The following PDZD2 variants were observed in gnomAD, a reference collection of about 807,000 sequenced individuals.
The protein encoded by PDZD2 is PDZ domain-containing protein 2.
A neutral mutation model predicts 220.7 loss-of-function variants in PDZD2; 90 were observed. The observed-to-expected ratio is 0.41, with a 90% CI of 0.34 to 0.49. The LOEUF is 0.49. PDZD2 is among the 20% of genes least tolerant of loss of function. PDZD2 has a pLI of 0.28. For synonymous variants in PDZD2, 1,375 were observed against 1,450.5 expected (o/e 0.95, Z 1.18); for missense variants, 3,174 against 3,608.5 (o/e 0.88, Z 3.08).
At chr5:31,746,695 G>A (rs1426979981) in intron 1 of PDZD2, among the ~76,000 whole-genome samples, 7 of 152,044 alleles carry the variant, frequency 4.6e-5, no homozygotes, top group African/African-American at 1.5e-4. Context: ...CTCACCCCGA[G>A]TTTCAGAGGC....
rs139560600 is a variant in PDZD2, at chr5:31,860,904, G to A, written c.476+61180G>A. Among the ~76,000 whole-genome samples, 148 of 152,254 alleles carry A rather than the reference G, an allele frequency of 9.7e-4. 2 individuals carry two copies. The East Asian group carries it at 0.021, about 22-fold the overall frequency. On this transcript the variant is annotated intron_variant, in intron 2 of 24. Coordinates refer to ENST00000438447, the MANE Select transcript of PDZD2 (RefSeq NM_178140.4). ...TTGGCCCTCAGTAGCAGCCCATTGC[G>A]TGGTGGTGTGGTCAGGTGGACATGG...
At chr5:31,935,948 C>T (rs1415287274) in intron 2 of PDZD2, 1 of 219,978 alleles carries the variant, frequency 4.5e-6, no homozygotes, top group African/African-American at 2.3e-5. Context: ...TGATTTCCCC[C>T]CATACTCCTG....
In PDZD2 at chr5:32,088,385, G is replaced by C; in HGVS notation, c.4937G>C (p.Arg1646Pro). ...CCGAGAGAGTCGGTGGCCAGTCCCC[G>C]TGAGAAGGCCGCCTGCTTGCCAGGC... ...STPRESVASP[R>P]EKAACLPGSY... The change falls in exon 20 of 25, where the codon CGT becomes CCT. Residue 1646 changes from arginine (R) to proline (P), a missense_variant. Transcript: ENST00000438447. The surrounding 1 kb of genome is among the most constrained non-coding windows in gnomAD (Gnocchi z 4.6). 6.2e-7 allele frequency: 1 copy of C among 1,613,806 alleles called. No individual in the cohort carries two copies. The highest frequency in any genetic ancestry group is 8.5e-7 in the Non-Finnish European group (1 of 1,179,928).
intron 2 of PDZD2, among the ~76,000 whole-genome samples, chr5:31,970,916 C>G (rs891113528): frequency 6.6e-6 from 1 of 152,118 alleles, no homozygotes; most frequent in Admixed American, 6.6e-5. Flanking sequence ...TCTGCTGCTC[C>G]CAAATCCATT....
chr5:32,026,557 GCA>G (rs139271161), intron 6 of PDZD2, among the ~76,000 whole-genome samples: 24 of 150,972 alleles, frequency 1.6e-4, no homozygotes, highest in Non-Finnish European at 2.7e-4. Context: ...GTGCACGCAC[GCA>G]CACACACACA....
rs1561499009 is a variant in PDZD2 at position 31,840,413 on chromosome 5, TA to T, written c.476+40690del. ...CATTTTCATTATATATATATATATA[TA>T]TATATATATATATATATATATATAT... On this transcript the variant is annotated intron_variant, in intron 2 of 24. Coordinates refer to ENST00000438447, the MANE Select transcript of PDZD2 (RefSeq NM_178140.4). The T allele has an allele frequency of 2.5e-3, 211 of 84,268 alleles. 11 individuals are homozygous for T. Among genetic ancestry groups the T allele is most frequent in the African/African-American group, 8.3e-3 (204 of 24,646 alleles). The allele number at this position is 84,268 out of a possible 1,614,324, so 5.2% of individuals were successfully genotyped here. A position where few individuals can be genotyped will look rare whatever the true frequency, so the allele number is the denominator to read the frequency against.
At chr5:31,737,273 C>T (rs1277538013) in intron 1 of PDZD2, among the ~76,000 whole-genome samples, 1 of 149,636 alleles carries the variant, frequency 6.7e-6, no homozygotes, top group African/African-American at 2.5e-5. Context: ...CTCAGGTTCA[C>T]GCCATTCTCC....
At chr5:31,905,437 G>A (rs550317208) in intron 2 of PDZD2, among the ~76,000 whole-genome samples, 7 of 152,294 alleles carry the variant, frequency 4.6e-5, no homozygotes, top group African/African-American at 1.7e-4. Context: ...TGAGGATGCT[G>A]GGGTTGCTTT....
At chr5:31,753,872 A>G (rs1751157394) in intron 1 of PDZD2, among the ~76,000 whole-genome samples, 2 of 152,212 alleles carry the variant, frequency 1.3e-5, no homozygotes, top group South Asian at 2.1e-4. Context: ...CAAAATCTCC[A>G]GGACATCTAG....
intron 2 of PDZD2, among the ~76,000 whole-genome samples, chr5:31,946,148 G>A (rs956682864): frequency 6.6e-6 from 1 of 152,166 alleles, no homozygotes; most frequent in Admixed American, 6.5e-5. Context: ...GACTACAGGC[G>A]TGCGCCACCA....
At chr5:31,750,346 C>A (rs1750878291) in intron 1 of PDZD2, among the ~76,000 whole-genome samples, 1 of 152,182 alleles carries the variant, frequency 6.6e-6, no homozygotes, top group South Asian at 2.1e-4. Flanking sequence ...TCTGTTAGCT[C>A]CTTTGGGCAG....
intron 1 of PDZD2, among the ~76,000 whole-genome samples, chr5:31,793,256 G>A (rs1291945112): frequency 8.5e-6 from 1 of 117,058 alleles, no homozygotes; most frequent in Admixed American, 1.1e-4. Flanking sequence ...GGATTGTGGG[G>A]TGGGGGGTGG....
chr5:31,890,543 C>T (rs1308379901), intron 2 of PDZD2, among the ~76,000 whole-genome samples: 1 of 152,142 alleles, frequency 6.6e-6, no homozygotes, highest in African/African-American at 2.4e-5. Flanking sequence ...GGCCTAGAGC[C>T]AGGGCCCCTT....
chr5:31,773,575 A>G (rs1056551774), intron 1 of PDZD2, among the ~76,000 whole-genome samples: 1 of 152,108 alleles, frequency 6.6e-6, no homozygotes, highest in Non-Finnish European at 1.5e-5. Flanking sequence ...GCTTGAATCC[A>G]AGAGGCAGAG....
intron 2 of PDZD2, among the ~76,000 whole-genome samples, chr5:31,924,748 G>C (rs1211543018): frequency 6.6e-6 from 1 of 152,218 alleles, no homozygotes. Context: ...AATATCTTTA[G>C]GGATTCTTAG....
intron 1 of PDZD2, among the ~76,000 whole-genome samples, chr5:31,694,784 A>ATTTTT (rs372864890): frequency 8.5e-6 from 1 of 117,810 alleles, no homozygotes; most frequent in Non-Finnish European, 1.8e-5. Context: ...ATTTTATTTT[A>ATTTTT]TTTTATTTAT....
In PDZD2 at chr5:32,095,933, C is replaced by T. The variant is rs1345982412; in HGVS notation, c.7846-1346C>T. On this transcript the variant is annotated intron_variant, in intron 21 of 24. Transcript: ENST00000438447. ...TTTTTTTTTTTTTTTTTAGTAGAGA[C>T]GGGGTTTCACCGTGTTAGCCAGGAT... 2.6e-4 allele frequency among the ~76,000 whole-genome samples: 37 copies of T among 140,420 alleles called. No individual in the cohort carries two copies. In the South Asian group the frequency reaches 5.7e-3, roughly 22 times the overall value. The allele number at this position is 140,420 out of a possible 152,430, so 92.1% of individuals were successfully genotyped here.
At chr5:32,055,228 G>A (rs1030903928) in intron 10 of PDZD2, among the ~76,000 whole-genome samples, 1 of 152,104 alleles carries the variant, frequency 6.6e-6, no homozygotes, top group Non-Finnish European at 1.5e-5. Flanking sequence ...AAGAGGCAGG[G>A]TCTTGCTCTG....
rs879498392 is a variant in PDZD2, at chr5:32,083,465, CG to C, written c.3683-3664del. Reference sequence around the variant, plus strand: ...AGAGGCTGCTGGGCCTTCCACCCCACGGATGTGCTGTAACGAGTCAACCTTC... The same window carrying C: ...AGAGGCTGCTGGGCCTTCCACCCCACGATGTGCTGTAACGAGTCAACCTTC... On this transcript the variant is annotated intron_variant, in intron 19 of 24. Coordinates refer to ENST00000438447, the MANE Select transcript of PDZD2 (RefSeq NM_178140.4). This position sits in a 1 kb window ranked among gnomAD's most constrained non-coding sequence, Gnocchi z 4.1. 1.3e-5 allele frequency: 2 copies of C among 152,180 alleles called. No homozygotes were observed. Among genetic ancestry groups the C allele is most frequent in the Non-Finnish European group, 2.9e-5 (2 of 68,038 alleles). 9.4% of individuals were successfully genotyped at this position (152,180 alleles called of 1,614,324 possible).
Sources: allele counts gnomAD v4.1 joint callset (sites outside exome capture counted in the v4.1 genomes callset), GRCh38; gene constraint gnomAD v4.1.1; non-coding constraint Gnocchi (gnomAD v3.1); transcripts MANE v1.5; gene names NCBI Gene and HGNC (gene_info 2026-07-23, HGNC 2026-07-21).